The following DIAPH2 variants were observed in gnomAD, a reference collection of about 807,000 sequenced individuals.
DIAPH2 encodes the protein protein diaphanous homolog 2.
Under a neutral mutation model 92.7 loss-of-function variants are expected in DIAPH2, and 35 were observed. The ratio of observed to expected loss-of-function variants is 0.38; its 90% confidence interval spans 0.29 to 0.50. The LOEUF (loss-of-function observed/expected upper bound fraction) is 0.50. Ranked by LOEUF, DIAPH2 falls within the 20% of genes least tolerant of loss-of-function variation. The probability of loss-of-function intolerance (pLI) is 0.94; values close to 1 mark genes in which losing one functional copy is unlikely to be tolerated. For synonymous variants in DIAPH2, 301 were observed against 280.4 expected (o/e 1.07, Z -0.73); for missense variants, 701 against 819.5 (o/e 0.86, Z 1.77).
chrX:97,300,329 C>A (rs1228034928), intron 23 of DIAPH2, among the ~76,000 whole-genome samples: 1 of 111,681 alleles, frequency 9.0e-6, no homozygotes, highest in Non-Finnish European at 1.9e-5. Context: ...ACAAGCCTTA[C>A]AAACTTTGAC....
chrX:97,364,707 A>T (rs1466449918), intron 24 of DIAPH2, among the ~76,000 whole-genome samples: 1 of 109,647 alleles, frequency 9.1e-6, no homozygotes, highest in Non-Finnish European at 1.9e-5. Flanking sequence ...ATCCTTTGTC[A>T]TAATAAAGGC....
intron 24 of DIAPH2, among the ~76,000 whole-genome samples, chrX:97,366,649 T>C (rs1242079152): frequency 8.9e-6 from 1 of 111,844 alleles, no homozygotes; most frequent in Non-Finnish European, 1.9e-5. Context: ...TTTCTCTTTA[T>C]GATAAAAATC....
intron 22 of DIAPH2, among the ~76,000 whole-genome samples, chrX:97,226,265 C>T (rs7064743): frequency 0.031 from 3,411 of 111,803 alleles, 137 homozygotes; most frequent in African/African-American, 0.11. Flanking sequence ...AAAATAAATA[C>T]GGCATTAGGA....
Position 96,843,425 on chromosome X carries a change from T to C in DIAPH2, c.448-38154T>C, listed in dbSNP as rs1239017293. ...TGTACACATGTGAAATTTCAGTTAGTAAGACATGACTGTGGAAGGGAAAAC... is the reference window on the plus strand; with the variant it reads ...TGTACACATGTGAAATTTCAGTTAGCAAGACATGACTGTGGAAGGGAAAAC... On this transcript the variant is annotated intron_variant, in intron 4 of 26. Coordinates refer to ENST00000324765, the MANE Select transcript of DIAPH2 (RefSeq NM_006729.5). Among the ~76,000 whole-genome samples, 2 of 111,799 alleles carry C rather than the reference T, an allele frequency of 1.8e-5. 1 individual carries two copies. Among genetic ancestry groups the C allele is most frequent in the African/African-American group, 6.5e-5 (2 of 30,719 alleles).
chrX:97,355,568 G>C (rs988700627), intron 24 of DIAPH2, among the ~76,000 whole-genome samples: 8 of 111,184 alleles, frequency 7.2e-5, no homozygotes, highest in African/African-American at 2.6e-4. Flanking sequence ...GTGCCTCTTT[G>C]CTTTGCCAGT....
chrX:96,766,863 C>A (rs1387432104), intron 4 of DIAPH2, among the ~76,000 whole-genome samples: 2 of 112,299 alleles, frequency 1.8e-5, no homozygotes, highest in Non-Finnish European at 3.8e-5. Context: ...CTTTACTTTT[C>A]ACTATCCTAT....
chrX:97,509,839 C>T (rs1461749570), intron 26 of DIAPH2, among the ~76,000 whole-genome samples: 1 of 110,588 alleles, frequency 9.0e-6, no homozygotes, highest in Non-Finnish European at 1.9e-5. Flanking sequence ...GACATGAACT[C>T]ATCATTTTTT....
intron 26 of DIAPH2, among the ~76,000 whole-genome samples, chrX:97,505,690 T>A (rs1337777573): frequency 2.7e-5 from 3 of 110,079 alleles, no homozygotes; most frequent in Non-Finnish European, 3.8e-5. Context: ...AACATTTAAA[T>A]TTATCTTTTC....
At chrX:97,492,603 G>A (rs768834562) in intron 26 of DIAPH2, among the ~76,000 whole-genome samples, 4 of 111,124 alleles carry the variant, frequency 3.6e-5, no homozygotes, top group Admixed American at 9.6e-5. Context: ...ATGAACTCCC[G>A]TGCCTTTTGT....
chrX:97,139,079 C>A, intron 21 of DIAPH2, among the ~76,000 whole-genome samples: 1 of 110,714 alleles, frequency 9.0e-6, no homozygotes, highest in Non-Finnish European at 1.9e-5. Context: ...TCTTGTTCTA[C>A]CCCAAGAGAT....
At chrX:97,306,624 G>A (rs776524312) in intron 23 of DIAPH2, among the ~76,000 whole-genome samples, 2 of 111,054 alleles carry the variant, frequency 1.8e-5, no homozygotes, top group South Asian at 3.9e-4. Context: ...CTTGCAATCC[G>A]TTTATCATTT....
At chrX:96,771,327 G>A (rs1347379718) in intron 4 of DIAPH2, among the ~76,000 whole-genome samples, 1 of 110,898 alleles carries the variant, frequency 9.0e-6, no homozygotes, top group Non-Finnish European at 1.9e-5. Flanking sequence ...TTCATTAGCT[G>A]TGCATTTTGA....
At chrX:97,164,497 G>A (rs909767588) in intron 22 of DIAPH2, among the ~76,000 whole-genome samples, 7 of 112,185 alleles carry the variant, frequency 6.2e-5, no homozygotes, top group Non-Finnish European at 1.9e-5. Flanking sequence ...AAAAAAGAGT[G>A]TGAATTGCCT....
intron 17 of DIAPH2, among the ~76,000 whole-genome samples, chrX:97,071,122 T>C (rs1344918423): frequency 9.0e-6 from 1 of 111,550 alleles, no homozygotes; most frequent in Non-Finnish European, 1.9e-5. Context: ...ATTCTAGAAG[T>C]AATTTCAATA....
At chrX:97,335,621 C>A (rs1383013945) in intron 23 of DIAPH2, among the ~76,000 whole-genome samples, 1 of 111,880 alleles carries the variant, frequency 8.9e-6, no homozygotes, top group Non-Finnish European at 1.9e-5. Context: ...TTTTAACTGC[C>A]TTTGATTCTG....
intron 24 of DIAPH2, among the ~76,000 whole-genome samples, chrX:97,374,828 A>G (rs1384755114): frequency 9.0e-6 from 1 of 111,731 alleles, no homozygotes; most frequent in East Asian, 2.8e-4. Context: ...TGAAAATTCT[A>G]AAGACTCATT....
At chrX:97,343,844 T>C (rs1363192191) in intron 23 of DIAPH2, among the ~76,000 whole-genome samples, 1 of 111,122 alleles carries the variant, frequency 9.0e-6, no homozygotes, top group African/African-American at 3.3e-5. Context: ...GGAGTTAATA[T>C]TGGATTTTGC....
At chrX:97,423,972 A>G (rs2070036713) in intron 25 of DIAPH2, among the ~76,000 whole-genome samples, 1 of 111,845 alleles carries the variant, frequency 8.9e-6, no homozygotes, top group Non-Finnish European at 1.9e-5. Flanking sequence ...TGAACTTGGA[A>G]GTTCTAAGTG....
At position 97,599,920 on chromosome X, in the gene DIAPH2, A is replaced by G; in HGVS notation, c.*603A>G. 8.9e-6 allele frequency: 1 copy of G among 112,680 alleles called. No homozygotes were observed. 9.3% of individuals were successfully genotyped at this position (112,680 alleles called of 1,213,427 possible). Reference sequence around the variant, plus strand: ...CTGATGGATTCATCTGCTTTGGCTGAAATTAAACTTATCATTAGTCTAGCT... The same window carrying G: ...CTGATGGATTCATCTGCTTTGGCTGGAATTAAACTTATCATTAGTCTAGCT... On this transcript the variant is annotated 3_prime_UTR_variant, in exon 27 of 27. Coordinates refer to ENST00000324765, the MANE Select transcript of DIAPH2 (RefSeq NM_006729.5).
Sources: gnomAD v4.1 joint callset for allele counts (sites outside exome capture counted in the v4.1 genomes callset) on GRCh38, gnomAD v4.1.1 for gene constraint, MANE v1.5 for transcripts, NCBI Gene and HGNC (gene_info 2026-07-23, HGNC 2026-07-21) for gene names.